The following AXDND1 variants were observed in gnomAD, a reference collection of about 807,000 sequenced individuals.
The protein encoded by AXDND1 is axonemal dynein light chain domain-containing protein 1.
In AXDND1, 110 loss-of-function variants were observed where a neutral mutation model predicts 137.5. The ratio of observed to expected loss-of-function variants is 0.80; its 90% CI spans 0.69 to 0.94. AXDND1 has a LOEUF of 0.94. Among genes scored for constraint, AXDND1 ranks in the 40% least tolerant of loss-of-function variants. The pLI, the probability that AXDND1 is intolerant of heterozygous loss-of-function variation, is 0.00. For synonymous variants in AXDND1, 414 were observed against 399.7 expected, an observed-to-expected ratio of 1.04 and a Z score of -0.43; for missense variants, 1,191 against 1,169.8, an observed-to-expected ratio of 1.02 and a Z score of -0.26.
chr1:179,438,274 G>A (rs551136591), intron 15 of AXDND1, among the ~76,000 whole-genome samples: 3 of 152,312 alleles, frequency 2.0e-5, no homozygotes, highest in Admixed American at 6.5e-5. Flanking sequence ...TATATTCTAC[G>A]TTGGTGACAC....
chr1:179,449,822 T>TAGA (rs1660276765), intron 16 of AXDND1: 1 of 152,080 alleles, frequency 6.6e-6, no homozygotes, highest in African/African-American at 2.4e-5. Flanking sequence ...TTAAAGTGTA[T>TAGA]AGAAATAGAA....
intron 8 of AXDND1, among the ~76,000 whole-genome samples, 189 bp from the exon 9 acceptor site, chr1:179,385,049 C>T (rs1240928071): frequency 6.6e-6 from 1 of 152,152 alleles, no homozygotes; most frequent in Non-Finnish European, 1.5e-5. Flanking sequence ...CAGGTGTGAG[C>T]CACTGCACTT....
At chr1:179,378,893 A>G in intron 5 of AXDND1, 136 bp downstream of exon 5, 1 of 691,024 alleles carries the variant, frequency 1.4e-6, no homozygotes, top group Non-Finnish European at 2.0e-6. Context: ...ACCAATCTTC[A>G]TAGCATTTTC....
chr1:179,441,935 G>T (rs993986079), intron 15 of AXDND1, among the ~76,000 whole-genome samples: 2 of 152,208 alleles, frequency 1.3e-5, no homozygotes, highest in African/African-American at 4.8e-5. Flanking sequence ...GGTAAAAGAC[G>T]CATAGCACCA....
intron 23 of AXDND1, among the ~76,000 whole-genome samples, chr1:179,531,782 C>T (rs1018953443): frequency 6.6e-6 from 1 of 152,002 alleles, no homozygotes; most frequent in Non-Finnish European, 1.5e-5. Flanking sequence ...AGAGTCAAAC[C>T]CCAGGAGGAC....
intron 25 of AXDND1, among the ~76,000 whole-genome samples, chr1:179,536,040 A>G (rs1671522571): frequency 6.6e-6 from 1 of 152,194 alleles, no homozygotes; most frequent in African/African-American, 2.4e-5. Context: ...GTGTCTGTTC[A>G]TATCCTTTGC....
rs1366831673 is a variant in AXDND1, at chr1:179,528,321, T to C, written c.2611-6T>C. The C allele has an allele frequency of 1.2e-6, 2 of 1,608,918 alleles. No individual in the cohort carries two copies. Among genetic ancestry groups the C allele is most frequent in the East Asian group, 4.5e-5 (2 of 44,836 alleles). On this transcript the variant is annotated splice_region_variant and splice_polypyrimidine_tract_variant and intron_variant, in intron 22 of 25. Coordinates refer to ENST00000367618, the MANE Select transcript of AXDND1 (RefSeq NM_144696.6). Reference sequence around the variant, plus strand: ...GCTAACAGGTCCGCATGTTTCTGTGTTCTAGCAACCTTCAACATCTACAGA... The same window carrying C: ...GCTAACAGGTCCGCATGTTTCTGTGCTCTAGCAACCTTCAACATCTACAGA...
At chr1:179,459,933 C>T (rs894320163) in intron 16 of AXDND1, among the ~76,000 whole-genome samples, 6 of 91,806 alleles carry the variant, frequency 6.5e-5, no homozygotes, top group Admixed American at 1.2e-4. Context: ...TCCTTCCTTC[C>T]TTCTCTCTCT....
chr1:179,527,931 C>G (rs1380594124), intron 22 of AXDND1, among the ~76,000 whole-genome samples: 3 of 152,166 alleles, frequency 2.0e-5, no homozygotes, highest in Admixed American at 2.0e-4. Flanking sequence ...ATATCACTTT[C>G]TCTGTTAATA....
At position 179,366,825 on chromosome 1, in the gene AXDND1, C is replaced by A. The variant is rs11804236; in HGVS notation, c.97+219C>A. Among the ~76,000 whole-genome samples the A allele has an allele frequency of 9.2e-5, 14 of 151,694 alleles. No homozygotes were observed. The East Asian group carries it at 1.4e-3, about 15-fold the overall frequency. On this transcript the variant is annotated intron_variant, in intron 2 of 25. Transcript: ENST00000367618. Reference sequence around the variant, plus strand: ...TCTAAATACAGTTTATACTTTTTTTCAAATGTTGATTTATATATGATTTTA... The same window carrying A: ...TCTAAATACAGTTTATACTTTTTTTAAAATGTTGATTTATATATGATTTTA...
intron 12 of AXDND1, among the ~76,000 whole-genome samples, chr1:179,414,432 TTTA>T (rs1553263730): frequency 2.7e-5 from 4 of 150,846 alleles, no homozygotes; most frequent in Admixed American, 6.6e-5. Flanking sequence ...TATTTATTTA[TTTA>T]TTTTTTTGAG....
intron 20 of AXDND1, among the ~76,000 whole-genome samples, chr1:179,494,379 A>G (rs140289210): frequency 1.1e-4 from 16 of 152,124 alleles, no homozygotes; most frequent in African/African-American, 3.9e-4. Flanking sequence ...TTTGTAATCC[A>G]TGTATTTTCT....
chr1:179,401,753 G>C (rs1467567240), intron 11 of AXDND1, among the ~76,000 whole-genome samples: 1 of 152,068 alleles, frequency 6.6e-6, no homozygotes, highest in African/African-American at 2.4e-5. Context: ...AACCCCTTTT[G>C]CTTGGCTTTC....
chr1:179,399,097 C>T (rs1651539261), intron 11 of AXDND1, among the ~76,000 whole-genome samples: 1 of 152,074 alleles, frequency 6.6e-6, no homozygotes, highest in African/African-American at 2.4e-5. Context: ...CATGTACTCA[C>T]ATGTATATGT....
At chr1:179,460,789 C>G (rs145145300) in intron 16 of AXDND1, among the ~76,000 whole-genome samples, 4,527 of 152,298 alleles carry the variant, frequency 0.03, 251 homozygotes, top group African/African-American at 0.1. Flanking sequence ...ATTTGCATTT[C>G]TCTGATGACC....
At chr1:179,462,645 G>T (rs185845808) in intron 16 of AXDND1, among the ~76,000 whole-genome samples, 1 of 152,184 alleles carries the variant, frequency 6.6e-6, no homozygotes, top group Non-Finnish European at 1.5e-5. Flanking sequence ...TTGTACCTCT[G>T]GTAGAATTTG....
At chr1:179,553,008 G>A (rs559399913) in intron 25 of AXDND1, among the ~76,000 whole-genome samples, 64 of 152,306 alleles carry the variant, frequency 4.2e-4, no homozygotes, top group African/African-American at 1.5e-3. Context: ...TTGAACAATG[G>A]CTTGAAGAGC....
chr1:179,420,663 C>T (rs539423773), intron 12 of AXDND1, among the ~76,000 whole-genome samples: 5 of 151,038 alleles, frequency 3.3e-5, no homozygotes, highest in African/African-American at 1.2e-4. Context: ...TCCATTTTCC[C>T]CCTGGCTGGA....
chr1:179,522,773 T>C (rs1161766514), intron 21 of AXDND1, among the ~76,000 whole-genome samples: 1 of 138,508 alleles, frequency 7.2e-6, no homozygotes, highest in Non-Finnish European at 1.6e-5. Flanking sequence ...TTCAAATATT[T>C]TATAGCAAGA....
Sources: gnomAD v4.1 joint callset for allele counts (sites outside exome capture counted in the v4.1 genomes callset) on GRCh38, gnomAD v4.1.1 for gene constraint, MANE v1.5 for transcripts, NCBI Gene and HGNC (gene_info 2026-07-23, HGNC 2026-07-21) for gene names.